The following LRP1B variants were observed in gnomAD, a reference collection of about 807,000 sequenced individuals.
The protein encoded by LRP1B is low-density lipoprotein receptor-related protein 1B.
Under a neutral mutation model 556.6 loss-of-function variants are expected in LRP1B, and 217 were observed. That is an observed-to-expected ratio of 0.39 (90% CI 0.35 to 0.44). The LOEUF is 0.44. LRP1B is among the 20% of genes least tolerant of loss of function. The probability of loss-of-function intolerance (pLI) is 1.00; values close to 1 mark genes in which losing one functional copy is unlikely to be tolerated. For missense variants in LRP1B, 5,053 were observed against 5,620.8 expected (o/e 0.90, Z 3.23); for synonymous variants, 2,047 against 1,865.8 (o/e 1.10, Z -2.50).
intron 66 of LRP1B, among the ~76,000 whole-genome samples, chr2:140,434,832 T>C (rs1686102916): frequency 6.6e-6 from 1 of 152,230 alleles, no homozygotes; most frequent in Non-Finnish European, 1.5e-5. Flanking sequence ...TGTTAATGGC[T>C]GAAAACAGCC....
chr2:141,737,332 A>G (rs1036607900), intron 2 of LRP1B, among the ~76,000 whole-genome samples: 1 of 152,184 alleles, frequency 6.6e-6, no homozygotes, highest in Admixed American at 6.5e-5. Flanking sequence ...AGGCTGGACA[A>G]CAGAGCAAAA....
chr2:140,788,546 A>G (rs991136923), intron 32 of LRP1B, among the ~76,000 whole-genome samples: 3 of 152,234 alleles, frequency 2.0e-5, no homozygotes, highest in Non-Finnish European at 4.4e-5. Flanking sequence ...AAATGATATT[A>G]GAGTAGGGGC....
intron 66 of LRP1B, among the ~76,000 whole-genome samples, chr2:140,405,842 T>C (rs533718133): frequency 1.2e-4 from 19 of 152,284 alleles, no homozygotes; most frequent in Admixed American, 2.6e-4. Context: ...CCTAAATCAT[T>C]CTATGAAGCC....
intron 68 of LRP1B, among the ~76,000 whole-genome samples, chr2:140,373,615 TAA>T (rs1683091218): frequency 6.6e-6 from 1 of 151,950 alleles, no homozygotes; most frequent in Admixed American, 6.6e-5. Flanking sequence ...TATGAGATAA[TAA>T]AAGAGTTAAA....
At chr2:140,274,205 A>G (rs1170268975) in intron 85 of LRP1B, among the ~76,000 whole-genome samples, 1 of 151,988 alleles carries the variant, frequency 6.6e-6, no homozygotes, top group Non-Finnish European at 1.5e-5. Flanking sequence ...TTATTACATA[A>G]TGGATTTTCA....
chr2:140,548,962 A>T (rs1440146535), intron 43 of LRP1B, among the ~76,000 whole-genome samples: 2 of 152,054 alleles, frequency 1.3e-5, no homozygotes, highest in African/African-American at 4.8e-5. Flanking sequence ...AAAACAAAAA[A>T]ACTGTAAATT....
At chr2:140,865,347 A>G (rs1009177240) in intron 27 of LRP1B, among the ~76,000 whole-genome samples, 29 of 151,996 alleles carry the variant, frequency 1.9e-4, no homozygotes, top group Non-Finnish European at 1.2e-4. Context: ...ATTTTATAGT[A>G]CTGAATGTCA....
chr2:141,414,340 AGAGAGAGGAAGG>A (rs925983114), intron 3 of LRP1B, among the ~76,000 whole-genome samples: 1 of 145,394 alleles, frequency 6.9e-6, no homozygotes, highest in Non-Finnish European at 1.5e-5. Flanking sequence ...AGAAAGAGAG[AGAGAGAGGAAGG>A]GAGGGAGGAA....
At chr2:142,119,100 ATATTT>A (rs1425605652) in intron 1 of LRP1B, among the ~76,000 whole-genome samples, 2 of 152,160 alleles carry the variant, frequency 1.3e-5, no homozygotes, top group African/African-American at 2.4e-5. Flanking sequence ...TTTTGCTTCA[ATATTT>A]TATTTAGGCA....
chr2:141,122,153 C>A (rs142041493), intron 7 of LRP1B, among the ~76,000 whole-genome samples: 30 of 152,018 alleles, frequency 2.0e-4, no homozygotes, highest in Non-Finnish European at 2.8e-4. Flanking sequence ...AAACCCTAGA[C>A]GAAAACCTAG....
At chr2:141,045,481 C>T (rs1698842935) in intron 11 of LRP1B, among the ~76,000 whole-genome samples, 1 of 151,780 alleles carries the variant, frequency 6.6e-6, no homozygotes, top group Non-Finnish European at 1.5e-5. Context: ...CTATCTTGTT[C>T]TGTTAGAGAA....
intron 7 of LRP1B, among the ~76,000 whole-genome samples, chr2:141,077,550 T>C (rs1699819143): frequency 6.6e-6 from 1 of 152,196 alleles, no homozygotes; most frequent in East Asian, 1.9e-4. Flanking sequence ...GTTTTGAGGG[T>C]ACTTCGTGTC....
intron 1 of LRP1B, among the ~76,000 whole-genome samples, chr2:141,868,713 T>C (rs973920665): frequency 2.0e-5 from 3 of 152,140 alleles, no homozygotes; most frequent in Non-Finnish European, 4.4e-5. Context: ...TGGACTTGTA[T>C]TTTTCCCCCT....
chr2:140,369,341 T>G (rs1215691823), intron 71 of LRP1B, among the ~76,000 whole-genome samples: 1 of 151,870 alleles, frequency 6.6e-6, no homozygotes, highest in African/African-American at 2.4e-5. Flanking sequence ...GAGAATGAAC[T>G]AGGCGGGTGG....
chr2:141,105,027 T>TAATA (rs199837763), intron 7 of LRP1B, among the ~76,000 whole-genome samples: 1 of 152,002 alleles, frequency 6.6e-6, no homozygotes. Context: ...AATAAATAAA[T>TAATA]AATAAATAAA....
At chr2:141,905,765 A>G (rs12691626) in intron 1 of LRP1B, among the ~76,000 whole-genome samples, 1,507 of 100,128 alleles carry the variant, frequency 0.015, 47 homozygotes, top group East Asian at 0.042. Flanking sequence ...GTTTGAATAG[A>G]TGTGTGTGTG....
chr2:140,286,661 A>T (rs1342877606), intron 84 of LRP1B, among the ~76,000 whole-genome samples: 5 of 151,856 alleles, frequency 3.3e-5, no homozygotes, highest in African/African-American at 9.7e-5. Context: ...ACTTTCAATG[A>T]CTCAATGCAA....
At chr2:141,505,386 C>A (rs1382393096) in intron 2 of LRP1B, among the ~76,000 whole-genome samples, 2 of 152,092 alleles carry the variant, frequency 1.3e-5, no homozygotes, top group African/African-American at 4.8e-5. Flanking sequence ...TCCTGTTCAA[C>A]ACACACATAC....
chr2:140,448,165 T>C (rs1686745642), intron 63 of LRP1B, among the ~76,000 whole-genome samples: 1 of 152,068 alleles, frequency 6.6e-6, no homozygotes, highest in African/African-American at 2.4e-5. Context: ...ATAGACAAGA[T>C]TGATGCAGCC....
Sources: gnomAD v4.1 joint callset for allele counts (sites outside exome capture counted in the v4.1 genomes callset) on GRCh38, gnomAD v4.1.1 for gene constraint, MANE v1.5 for transcripts, NCBI Gene and HGNC (gene_info 2026-07-23, HGNC 2026-07-21) for gene names.